The following NDRG3 variants were observed in gnomAD, a reference collection of about 807,000 sequenced individuals.
NDRG3 encodes protein NDRG3.
NDRG3 carries 23 observed loss-of-function variants against 57.2 expected under a neutral mutation model. That is an observed-to-expected ratio of 0.40 (90% CI 0.29 to 0.57). The LOEUF is 0.57. Ranked by LOEUF, NDRG3 falls within the 20% of genes least tolerant of loss-of-function variation. The pLI is 0.42. For missense variants in NDRG3, 384 were observed against 457.3 expected (o/e 0.84, Z 1.46); for synonymous variants, 132 against 162.6 (o/e 0.81, Z 1.43).
intron 1 of NDRG3, among the ~76,000 whole-genome samples, chr20:36,742,124 C>T (rs1195698668): frequency 6.6e-6 from 1 of 152,140 alleles, no homozygotes; most frequent in Non-Finnish European, 1.5e-5. Flanking sequence ...CTTTCCCCAG[C>T]TCCCATGATA....
chr20:36,687,922 C>T (rs954974558), intron 4 of NDRG3, among the ~76,000 whole-genome samples: 2 of 152,210 alleles, frequency 1.3e-5, no homozygotes, highest in Non-Finnish European at 2.9e-5. Context: ...GCTGTCATTT[C>T]TCATGGACAT....
At chr20:36,711,303 A>T (rs1442434431) in intron 2 of NDRG3, among the ~76,000 whole-genome samples, 1 of 151,360 alleles carries the variant, frequency 6.6e-6, no homozygotes, top group Admixed American at 6.6e-5. Flanking sequence ...AATAATAAAT[A>T]AATAAATAAA....
intron 1 of NDRG3, among the ~76,000 whole-genome samples, chr20:36,740,318 A>G (rs1230437376): frequency 6.6e-6 from 1 of 152,242 alleles, no homozygotes; most frequent in Non-Finnish European, 1.5e-5. Flanking sequence ...GGATTCCTCC[A>G]AAGTGCACCC....
In NDRG3 at chr20:36,690,000, G is replaced by C. The variant is rs372741910; in HGVS notation, c.94-1216C>G. Among the ~76,000 whole-genome samples the C allele has an allele frequency of 2.0e-5, 3 of 151,976 alleles. No homozygotes were observed. The East Asian group carries it at 5.8e-4, about 29-fold the overall frequency. On this transcript the variant is annotated intron_variant, in intron 3 of 15. Coordinates refer to ENST00000349004, the MANE Select transcript of NDRG3 (RefSeq NM_032013.4). ...CTCCCAAAGTGCTGAGATTACAGACGTGAGCCACCGCGCCCAGCCTGTAAT... is the reference window on the plus strand; with the variant it reads ...CTCCCAAAGTGCTGAGATTACAGACCTGAGCCACCGCGCCCAGCCTGTAAT...
At chr20:36,688,833 A>G (rs756583474) in intron 3 of NDRG3, 49 bp from the exon 4 acceptor site, 4 of 1,413,934 alleles carry the variant, frequency 2.8e-6, no homozygotes, top group Middle Eastern at 1.8e-4. Context: ...TGAACTTCCC[A>G]GGTTGCCAAA....
At chr20:36,737,797 T>A (rs1453733649) in intron 1 of NDRG3, among the ~76,000 whole-genome samples, 1 of 152,114 alleles carries the variant, frequency 6.6e-6, no homozygotes, top group Non-Finnish European at 1.5e-5. Context: ...TTCTGAAAAT[T>A]GGCTGGGCGC....
chr20:36,724,686 G>T (rs1984814079), intron 1 of NDRG3, among the ~76,000 whole-genome samples: 1 of 152,180 alleles, frequency 6.6e-6, no homozygotes, highest in Admixed American at 6.5e-5. Context: ...CCAGCACTTT[G>T]GGAGGCGGAG....
intron 3 of NDRG3, among the ~76,000 whole-genome samples, chr20:36,697,132 T>C (rs967665454): frequency 1.3e-5 from 2 of 152,166 alleles, no homozygotes; most frequent in Non-Finnish European, 2.9e-5. Context: ...AGACAAAGCG[T>C]AGATGGAACC....
intron 7 of NDRG3, 50 bp downstream of exon 7, chr20:36,682,468 G>T: frequency 6.8e-7 from 1 of 1,462,686 alleles, no homozygotes; most frequent in Non-Finnish European, 9.6e-7. Flanking sequence ...TAATAGCTGT[G>T]ACCCAGGCAC....
intron 1 of NDRG3, among the ~76,000 whole-genome samples, chr20:36,724,233 C>T (rs1984782539): frequency 6.6e-6 from 1 of 152,162 alleles, no homozygotes; most frequent in African/African-American, 2.4e-5. Context: ...CTATTGAGAA[C>T]ACTCCTCAGG....
chr20:36,734,800 T>TA (rs1213722644), intron 1 of NDRG3, among the ~76,000 whole-genome samples: 3 of 151,798 alleles, frequency 2.0e-5, no homozygotes, highest in African/African-American at 7.3e-5. Context: ...TGTCTCCAGA[T>TA]AATGCCAAAT....
At chr20:36,687,736 GT>G in intron 4 of NDRG3, 124 bp from the exon 5 acceptor site, 1 of 1,125,382 alleles carries the variant, frequency 8.9e-7, no homozygotes, top group Non-Finnish European at 1.2e-6. Flanking sequence ...CCAAAGTGAG[GT>G]GTCTGAACAA....
In NDRG3 at chr20:36,653,708, C is replaced by A; in HGVS notation, c.947-7G>T. 6.2e-7 allele frequency: 1 copy of A among 1,611,630 alleles called. No individual in the cohort carries two copies. Among genetic ancestry groups the A allele is most frequent in the Non-Finnish European group, 8.5e-7 (1 of 1,179,468 alleles). ...GTCATGCTGGCAGATGGTACTGTAA[C>A]AGAGAACCAAGGGGACTAGAAGATG... On this transcript the variant is annotated splice_polypyrimidine_tract_variant and splice_region_variant and intron_variant, in intron 15 of 15. Transcript: ENST00000349004. This position sits in a 1 kb window ranked among gnomAD's most constrained non-coding sequence, Gnocchi z 4.2.
chr20:36,688,638 C>CAAA, intron 4 of NDRG3, 41 bp downstream of exon 4: 1 of 1,383,954 alleles, frequency 7.2e-7, no homozygotes, highest in Non-Finnish European at 1.0e-6. Context: ...ATACAAAGAT[C>CAAA]AAGTATGATA....
At position 36,656,415 on chromosome 20, in the gene NDRG3, G is replaced by A; in HGVS notation, c.895-4C>T. On this transcript the variant is annotated splice_polypyrimidine_tract_variant and splice_region_variant and intron_variant, in intron 14 of 15. Transcript: ENST00000349004. The stretch of plus-strand genomic sequence containing the variant: ...AGGCCTCGGTGAGCTTCCCAGGCTG[G>A]GGGGATAAAACAAGAGGGCATTAAT... 1 of 1,614,094 alleles carries A rather than the reference G, an allele frequency of 6.2e-7. No individual in the cohort carries two copies. The highest frequency in any genetic ancestry group is 8.5e-7 in the Non-Finnish European group (1 of 1,180,026).
chr20:36,710,644 TA>T (rs1983812317), intron 2 of NDRG3, among the ~76,000 whole-genome samples: 1 of 151,862 alleles, frequency 6.6e-6, no homozygotes, highest in African/African-American at 2.4e-5. Flanking sequence ...CTGTCTCTAC[TA>T]AAAATACAAA....
chr20:36,716,666 G>A (rs1046685493), intron 2 of NDRG3, among the ~76,000 whole-genome samples: 1 of 152,058 alleles, frequency 6.6e-6, no homozygotes, highest in Admixed American at 6.6e-5. Flanking sequence ...GAAGCCAAGT[G>A]TGGCCTTCTA....
chr20:36,654,988 G>T, intron 15 of NDRG3: 1 of 671,942 alleles, frequency 1.5e-6, no homozygotes, highest in Non-Finnish European at 2.8e-6. Context: ...GAGGCTGACA[G>T]ATACTTCAAT....
intron 12 of NDRG3, among the ~76,000 whole-genome samples, chr20:36,662,808 CAT>C (rs1454464752): frequency 6.6e-6 from 1 of 152,142 alleles, no homozygotes; most frequent in Non-Finnish European, 1.5e-5. Context: ...CCAGAATTCT[CAT>C]AAACACTGAA....
Sources: gnomAD v4.1 joint callset for allele counts (sites outside exome capture counted in the v4.1 genomes callset) on GRCh38, gnomAD v4.1.1 for gene constraint, Gnocchi (gnomAD v3.1) non-coding constraint, MANE v1.5 for transcripts, NCBI Gene and HGNC (gene_info 2026-07-23, HGNC 2026-07-21) for gene names.